The following TNR variants were observed in gnomAD, a reference collection of about 807,000 sequenced individuals.
TNR encodes the protein tenascin R.
In TNR, 45 loss-of-function variants were observed where a neutral mutation model predicts 150.4. That is an observed-to-expected ratio of 0.30 (90% CI 0.24 to 0.38). The LOEUF (loss-of-function observed/expected upper bound fraction) is 0.38, where lower values mean the gene tolerates loss of function less well. TNR is among the 10% of genes least tolerant of loss of function. The pLI is 1.00. For missense variants in TNR, 1,544 were observed against 1,759.1 expected, an observed-to-expected ratio of 0.88 and a Z score of 2.19; for synonymous variants, 687 against 678.4, an observed-to-expected ratio of 1.01 and a Z score of -0.20.
At chr1:175,705,898 A>G (rs994858264) in intron 1 of TNR, among the ~76,000 whole-genome samples, 11 of 152,322 alleles carry the variant, frequency 7.2e-5, no homozygotes, top group Admixed American at 5.2e-4. Context: ...TCAGCCTGTG[A>G]TTGTATTACT....
chr1:175,640,035 C>T (rs1400209908), intron 1 of TNR, among the ~76,000 whole-genome samples: 1 of 152,228 alleles, frequency 6.6e-6, no homozygotes. Flanking sequence ...CAGTGCCCAA[C>T]AGGTAGCATT....
chr1:175,381,446 G>A (rs532628780), intron 8 of TNR, among the ~76,000 whole-genome samples: 1 of 152,292 alleles, frequency 6.6e-6, no homozygotes, highest in East Asian at 1.9e-4. Flanking sequence ...TAGATTAAGG[G>A]GAAGTGTTGT....
intron 1 of TNR, among the ~76,000 whole-genome samples, chr1:175,556,343 T>C (rs774916308): frequency 5.8e-4 from 88 of 152,358 alleles, no homozygotes; most frequent in Non-Finnish European, 7.1e-4. Context: ...GGACAAAGCA[T>C]ATTCAAGTGC....
intron 1 of TNR, among the ~76,000 whole-genome samples, chr1:175,601,849 A>G (rs954633992): frequency 6.6e-6 from 1 of 152,162 alleles, no homozygotes; most frequent in Admixed American, 6.5e-5. Flanking sequence ...TACAGCTTGG[A>G]AGGACTCCAT....
intron 1 of TNR, among the ~76,000 whole-genome samples, chr1:175,738,163 T>C (rs1032483736): frequency 1.3e-5 from 2 of 152,144 alleles, no homozygotes; most frequent in Admixed American, 1.3e-4. Context: ...TGTACAATTT[T>C]AACTCATGGG....
At chr1:175,548,838 A>G (rs1252269610) in intron 1 of TNR, among the ~76,000 whole-genome samples, 1 of 152,222 alleles carries the variant, frequency 6.6e-6, no homozygotes, top group Non-Finnish European at 1.5e-5. Flanking sequence ...ATCTGCTGGA[A>G]TGCTCAGAGC....
intron 1 of TNR, among the ~76,000 whole-genome samples, chr1:175,529,210 G>A (rs968431535): frequency 3.9e-5 from 6 of 152,152 alleles, no homozygotes; most frequent in African/African-American, 1.4e-4. Context: ...TTCTCCAAAT[G>A]GGACACTGAG....
At chr1:175,344,636 TCC>T (rs1263391528) in intron 18 of TNR, among the ~76,000 whole-genome samples, 1 of 152,000 alleles carries the variant, frequency 6.6e-6, no homozygotes, top group African/African-American at 2.4e-5. Context: ...AATCACCACA[TCC>T]CCAAAGTTGT....
chr1:175,452,773 T>G (rs1188869342), intron 2 of TNR, among the ~76,000 whole-genome samples: 2 of 152,210 alleles, frequency 1.3e-5, no homozygotes, highest in Non-Finnish European at 2.9e-5. Context: ...AGCAGCATGA[T>G]TCACAATAGC....
At position 175,359,139 on chromosome 1, in the gene TNR, CTTTTTTTTT is replaced by C. The variant is rs758610631; in HGVS notation, c.2974+464_2974+472del. Reference sequence around the variant, plus strand: ...AGTTTGCAGAGTTTGGGGATATCTTCTTTTTTTTTTTTTTTTTTTTTTTTTAGATGGAGT... The same window carrying C: ...AGTTTGCAGAGTTTGGGGATATCTTCTTTTTTTTTTTTTTTTAGATGGAGT... On this transcript the variant is annotated intron_variant, in intron 15 of 22. Coordinates refer to ENST00000367674, the MANE Select transcript of TNR (RefSeq NM_003285.3). Among the ~76,000 whole-genome samples the C allele has an allele frequency of 3.5e-3, 149 of 42,152 alleles. 9 individuals carry two copies. The Admixed American group carries it at 0.047, about 13-fold the overall frequency. The allele number at this position is 42,152 out of a possible 152,430, so 27.7% of individuals were successfully genotyped here. A position where few individuals can be genotyped will look rare whatever the true frequency, so the allele number is the denominator to read the frequency against.
rs1393238517 is a variant in TNR, at chr1:175,317,579, T to A, written c.*5778A>T. The A allele has an allele frequency of 6.6e-6, 1 of 152,214 alleles. No individual in the cohort carries two copies. The highest frequency in any genetic ancestry group is 1.5e-5 in the Non-Finnish European group (1 of 68,046). The allele number at this position is 152,214 out of a possible 1,614,324, so 9.4% of individuals were successfully genotyped here. ...ACAGTGCATCTGGACTGAAACCCTT[T>A]CTTGTGACCTAGGTGTTCTAGACCT... On this transcript the variant is annotated 3_prime_UTR_variant, in exon 23 of 23. Transcript: ENST00000367674.
intron 1 of TNR, among the ~76,000 whole-genome samples, chr1:175,679,146 G>A (rs1665954647): frequency 6.6e-6 from 1 of 152,226 alleles, no homozygotes; most frequent in African/African-American, 2.4e-5. Context: ...TACCCTTAGG[G>A]GTCAGGGTAA....
intron 1 of TNR, among the ~76,000 whole-genome samples, chr1:175,668,398 C>T (rs929836361): frequency 6.6e-6 from 1 of 152,160 alleles, no homozygotes; most frequent in Non-Finnish European, 1.5e-5. Flanking sequence ...TTCCTGCCAA[C>T]TGCTGTGTCC....
intron 1 of TNR, among the ~76,000 whole-genome samples, chr1:175,580,709 C>T (rs188894946): frequency 4.6e-5 from 7 of 152,288 alleles, no homozygotes; most frequent in East Asian, 3.9e-4. Flanking sequence ...GATATTTTCA[C>T]GTAATCTTAT....
At chr1:175,504,095 G>A (rs759600699) in intron 2 of TNR, among the ~76,000 whole-genome samples, 1 of 152,178 alleles carries the variant, frequency 6.6e-6, no homozygotes, top group Admixed American at 6.5e-5. Context: ...TGCCAATGAT[G>A]AGGCTGGTCC....
chr1:175,705,627 C>T (rs1214356513), intron 1 of TNR, among the ~76,000 whole-genome samples: 2 of 151,838 alleles, frequency 1.3e-5, no homozygotes, highest in African/African-American at 2.4e-5. Context: ...GTGTATTTGG[C>T]TGAAGTAGTT....
At chr1:175,676,750 T>C (rs1665877678) in intron 1 of TNR, among the ~76,000 whole-genome samples, 1 of 152,220 alleles carries the variant, frequency 6.6e-6, no homozygotes. Flanking sequence ...GCATTTACTA[T>C]TCTCAGAAGC....
chr1:175,369,506 T>C (rs1289399109), intron 9 of TNR, among the ~76,000 whole-genome samples: 2 of 152,242 alleles, frequency 1.3e-5, no homozygotes, highest in Non-Finnish European at 2.9e-5. Context: ...CCTAATCCAG[T>C]ATGACCTCAT....
chr1:175,358,383 C>G (rs1268298589), intron 15 of TNR, among the ~76,000 whole-genome samples: 2 of 152,202 alleles, frequency 1.3e-5, no homozygotes, highest in Non-Finnish European at 2.9e-5. Flanking sequence ...CCAATGAAAA[C>G]AAAGACATAA....
Sources: gnomAD v4.1 joint callset for allele counts (sites outside exome capture counted in the v4.1 genomes callset) on GRCh38, gnomAD v4.1.1 for gene constraint, MANE v1.5 for transcripts, NCBI Gene and HGNC (gene_info 2026-07-23, HGNC 2026-07-21) for gene names.